TMEM108: variants seen among roughly 807,000 people sequenced by gnomAD.
TMEM108 encodes cancer/testis antigen 124.
Under a neutral mutation model 35.1 loss-of-function variants are expected in TMEM108, and 12 were observed. The observed-to-expected ratio is 0.34, with a 90% CI of 0.22 to 0.55. The LOEUF (loss-of-function observed/expected upper bound fraction) is 0.55, where lower values mean the gene tolerates loss of function less well. Ranked by LOEUF, TMEM108 falls within the 20% of genes least tolerant of loss-of-function variation. The pLI is 0.89. For synonymous variants in TMEM108, 287 were observed against 308.6 expected (o/e 0.93, Z 0.73); for missense variants, 680 against 753.3 (o/e 0.90, Z 1.14).
chr3:133,324,261 G>A (rs760185576), intron 3 of TMEM108, among the ~76,000 whole-genome samples: 25 of 152,054 alleles, frequency 1.6e-4, no homozygotes, highest in South Asian at 6.2e-4. Context: ...GAAAATTTTC[G>A]CAAACTATGC....
chr3:133,277,892 G>A (rs1030265837), intron 3 of TMEM108, among the ~76,000 whole-genome samples: 10 of 152,176 alleles, frequency 6.6e-5, no homozygotes, highest in Non-Finnish European at 1.0e-4. Flanking sequence ...CACCAAATCT[G>A]TGGACCAGAG....
At position 133,162,736 on chromosome 3, in the gene TMEM108, G is replaced by A. The variant is rs1013527452; in HGVS notation, c.-46-66530G>A. Reference sequence around the variant, plus strand: ...CTTCATTAATACACTGCTTCAACCTGCTGGCCTCAACTGATTCATCAGGTT... The same window carrying A: ...CTTCATTAATACACTGCTTCAACCTACTGGCCTCAACTGATTCATCAGGTT... On this transcript the variant is annotated intron_variant, in intron 2 of 5. Coordinates refer to ENST00000321871, the MANE Select transcript of TMEM108 (RefSeq NM_023943.4). Among the ~76,000 whole-genome samples, 5 of 152,190 alleles carry A rather than the reference G, an allele frequency of 3.3e-5. No individual in the cohort carries two copies. In the East Asian group the frequency reaches 9.6e-4, roughly 29 times the overall value.
intron 3 of TMEM108, among the ~76,000 whole-genome samples, chr3:133,236,893 G>C (rs1175364182): frequency 6.6e-6 from 1 of 151,704 alleles, no homozygotes; most frequent in Non-Finnish European, 1.5e-5. Context: ...GTGATCTGAA[G>C]TTCTCATGTA....
At chr3:133,381,814 G>A (rs1053269608) in intron 4 of TMEM108, among the ~76,000 whole-genome samples, 2 of 152,186 alleles carry the variant, frequency 1.3e-5, no homozygotes, top group South Asian at 2.1e-4. Flanking sequence ...AGTTCTTGCA[G>A]CTAAATTAAG....
intron 1 of TMEM108, 22 bp downstream of exon 1, chr3:133,038,457 C>G (rs1943231939): frequency 6.6e-6 from 1 of 152,306 alleles, no homozygotes; most frequent in South Asian, 2.1e-4. Context: ...TCCGGGGCGT[C>G]CCCCCAGTCC....
At chr3:133,211,818 A>G (rs1171915485) in intron 2 of TMEM108, among the ~76,000 whole-genome samples, 2 of 152,206 alleles carry the variant, frequency 1.3e-5, no homozygotes, top group Admixed American at 6.5e-5. Flanking sequence ...TAGAATTCAC[A>G]TTAATTGATT....
chr3:133,244,257 T>A (rs1946353816), intron 3 of TMEM108, among the ~76,000 whole-genome samples: 1 of 152,248 alleles, frequency 6.6e-6, no homozygotes, highest in African/African-American at 2.4e-5. Context: ...ATTCTTACCA[T>A]CATCATCATG....
intron 3 of TMEM108, among the ~76,000 whole-genome samples, chr3:133,310,905 TA>T (rs1464237069): frequency 2.0e-5 from 3 of 152,204 alleles, no homozygotes; most frequent in African/African-American, 7.2e-5. Context: ...GGAGCTCTTG[TA>T]AGGCAGGCCT....
At chr3:133,090,482 G>A (rs1388208235) in intron 2 of TMEM108, among the ~76,000 whole-genome samples, 2 of 152,236 alleles carry the variant, frequency 1.3e-5, no homozygotes, top group Non-Finnish European at 2.9e-5. Flanking sequence ...CATCTCAGCT[G>A]TAGGCAGACA....
chr3:133,139,535 G>A (rs1325341856), intron 2 of TMEM108, among the ~76,000 whole-genome samples: 2 of 152,192 alleles, frequency 1.3e-5, no homozygotes, highest in African/African-American at 2.4e-5. Flanking sequence ...ATCATTTGAT[G>A]TACTAGACAC....
rs1008612019 is a variant in TMEM108 at position 133,243,963 on chromosome 3, G to A, written c.40+14612G>A. Among the ~76,000 whole-genome samples, 8 of 152,170 alleles carry A rather than the reference G, an allele frequency of 5.3e-5. No individual in the cohort carries two copies. The South Asian group carries it at 1.7e-3, about 32-fold the overall frequency. The stretch of plus-strand genomic sequence containing the variant: ...GATAGGGGAAAAGGGTAGTGGGCCT[G>A]GAAAGGGAAGAAAGGATGAGTATCA... On this transcript the variant is annotated intron_variant, in intron 3 of 5. Coordinates refer to ENST00000321871, the MANE Select transcript of TMEM108 (RefSeq NM_023943.4).
intron 2 of TMEM108, among the ~76,000 whole-genome samples, chr3:133,201,099 GAC>G (rs1460892864): frequency 1.3e-5 from 2 of 152,134 alleles, no homozygotes; most frequent in Non-Finnish European, 2.9e-5. Context: ...CAGCAGTCAA[GAC>G]ACATGAAATT....
intron 2 of TMEM108, among the ~76,000 whole-genome samples, chr3:133,104,271 GATA>G (rs1268404648): frequency 2.0e-5 from 3 of 152,202 alleles, no homozygotes; most frequent in Admixed American, 2.0e-4. Context: ...GCTCCTGGCA[GATA>G]ATAACTGCTC....
At chr3:133,361,719 C>T (rs755259780) in intron 3 of TMEM108, among the ~76,000 whole-genome samples, 1 of 152,158 alleles carries the variant, frequency 6.6e-6, no homozygotes, top group Non-Finnish European at 1.5e-5. Context: ...GTCTCTCAAG[C>T]ATGGCAGCTT....
chr3:133,167,826 A>G (rs1945066895), intron 2 of TMEM108, among the ~76,000 whole-genome samples: 1 of 152,132 alleles, frequency 6.6e-6, no homozygotes, highest in African/African-American at 2.4e-5. Context: ...CAGCCAGCAC[A>G]GAGAGGGGCT....
intron 2 of TMEM108, among the ~76,000 whole-genome samples, chr3:133,096,907 C>G (rs1255531394): frequency 6.6e-6 from 1 of 152,196 alleles, no homozygotes; most frequent in Non-Finnish European, 1.5e-5. Context: ...TTAACTTGAG[C>G]AGTTGGCCCC....
At chr3:133,368,141 C>G (rs1456892047) in intron 3 of TMEM108, among the ~76,000 whole-genome samples, 1 of 152,120 alleles carries the variant, frequency 6.6e-6, no homozygotes, top group Non-Finnish European at 1.5e-5. Context: ...AGACCCCAAG[C>G]CATGGGCTGC....
intron 3 of TMEM108, among the ~76,000 whole-genome samples, chr3:133,310,820 T>G (rs4447761): frequency 1.3e-5 from 2 of 152,234 alleles, no homozygotes; most frequent in Admixed American, 6.5e-5. Context: ...CATAGCATCA[T>G]TGGTCTTTAC....
At chr3:133,076,131 T>G (rs1208182168) in intron 2 of TMEM108, among the ~76,000 whole-genome samples, 2 of 152,194 alleles carry the variant, frequency 1.3e-5, no homozygotes, top group South Asian at 2.1e-4. Flanking sequence ...TTTAAATACA[T>G]GTACTTTTAA....
Sources: allele counts gnomAD v4.1 joint callset (sites outside exome capture counted in the v4.1 genomes callset), GRCh38; gene constraint gnomAD v4.1.1; transcripts MANE v1.5; gene names NCBI Gene and HGNC (gene_info 2026-07-23, HGNC 2026-07-21).